CPED1: variants seen among roughly 807,000 people sequenced by gnomAD.
CPED1 encodes cadherin like and PC-esterase domain containing 1, also known as cadherin-like and PC-esterase domain-containing protein 1.
In CPED1, 114 loss-of-function variants were observed where a neutral mutation model predicts 128.2. The observed-to-expected ratio is 0.89, with a 90% CI of 0.76 to 1.04. The LOEUF (loss-of-function observed/expected upper bound fraction) is 1.04. Ranked by LOEUF, CPED1 falls within the 50% of genes least tolerant of loss-of-function variation. The pLI is 0.00. For synonymous variants in CPED1, 462 were observed against 426.7 expected, an observed-to-expected ratio of 1.08 and a Z score of -1.02; for missense variants, 1,211 against 1,207.1, an observed-to-expected ratio of 1.00 and a Z score of -0.05.
chr7:121,186,119 C>G (rs765007051), intron 16 of CPED1, among the ~76,000 whole-genome samples: 1 of 152,126 alleles, frequency 6.6e-6, no homozygotes, highest in East Asian at 1.9e-4. Context: ...ATTTGCTTCT[C>G]TTCCCAAAAC....
intron 22 of CPED1, among the ~76,000 whole-genome samples, chr7:121,275,091 C>T (rs1792305717): frequency 6.6e-6 from 1 of 151,906 alleles, no homozygotes; most frequent in African/African-American, 2.4e-5. Context: ...TCAAGGATAC[C>T]TGAGAAGGGT....
At chr7:121,049,273 A>G (rs1427668457) in intron 4 of CPED1, among the ~76,000 whole-genome samples, 1 of 152,206 alleles carries the variant, frequency 6.6e-6, no homozygotes, top group Non-Finnish European at 1.5e-5. Context: ...CTGGGTCGTA[A>G]GAGGGATGTG....
At chr7:121,270,867 G>A (rs1792216726) in intron 21 of CPED1, among the ~76,000 whole-genome samples, 1 of 151,842 alleles carries the variant, frequency 6.6e-6, no homozygotes, top group Non-Finnish European at 1.5e-5. Context: ...CTCTTTTTTG[G>A]TTCCATATGA....
chr7:121,140,149 G>A (rs776563734), intron 14 of CPED1, among the ~76,000 whole-genome samples: 1 of 152,026 alleles, frequency 6.6e-6, no homozygotes, highest in Non-Finnish European at 1.5e-5. Flanking sequence ...CTAACAAAGA[G>A]AAAGGTTTTT....
At chr7:121,067,276 C>A (rs1421780039) in intron 5 of CPED1, among the ~76,000 whole-genome samples, 3 of 151,324 alleles carry the variant, frequency 2.0e-5, no homozygotes, top group Non-Finnish European at 4.4e-5. Flanking sequence ...TCCCCCACCC[C>A]ACAACAGGCC....
At chr7:121,112,344 C>A (rs1795132842) in intron 7 of CPED1, among the ~76,000 whole-genome samples, 1 of 152,034 alleles carries the variant, frequency 6.6e-6, no homozygotes, top group East Asian at 1.9e-4. Flanking sequence ...CTGTGCATGT[C>A]ATTATAAGAG....
intron 5 of CPED1, among the ~76,000 whole-genome samples, chr7:121,080,714 C>T (rs1370313798): frequency 3.3e-5 from 5 of 150,352 alleles, no homozygotes; most frequent in Admixed American, 2.0e-4. Context: ...TCATTTTACA[C>T]ACACACACAC....
chr7:121,147,612 C>T (rs973599749), intron 16 of CPED1, among the ~76,000 whole-genome samples: 2 of 151,990 alleles, frequency 1.3e-5, no homozygotes, highest in African/African-American at 4.8e-5. Context: ...AATATTCACA[C>T]AAGTTGATTT....
intron 16 of CPED1, among the ~76,000 whole-genome samples, chr7:121,179,988 G>C (rs1156853222): frequency 6.6e-6 from 1 of 151,982 alleles, no homozygotes. Context: ...CACATTTAAA[G>C]TATAAAACTG....
chr7:121,104,533 G>T (rs912301122), intron 7 of CPED1, among the ~76,000 whole-genome samples: 3 of 152,054 alleles, frequency 2.0e-5, no homozygotes, highest in Non-Finnish European at 4.4e-5. Context: ...GACCATATTT[G>T]ACTATTTTTA....
intron 3 of CPED1, among the ~76,000 whole-genome samples, chr7:121,029,896 AT>A (rs960362352): frequency 6.2e-4 from 94 of 151,922 alleles, no homozygotes; most frequent in African/African-American, 1.9e-3. Flanking sequence ...TATCTGTCTA[AT>A]TTTTTTTGGC....
intron 3 of CPED1, among the ~76,000 whole-genome samples, chr7:121,045,194 A>G (rs1793163412): frequency 6.6e-6 from 1 of 151,962 alleles, no homozygotes; most frequent in Non-Finnish European, 1.5e-5. Flanking sequence ...TTACAAGCCT[A>G]AGGCCTGATG....
chr7:121,143,926 A>G (rs1795962967), intron 16 of CPED1, among the ~76,000 whole-genome samples: 1 of 152,172 alleles, frequency 6.6e-6, no homozygotes, highest in East Asian at 1.9e-4. Context: ...GAAAGGAAAC[A>G]AATCCAATAT....
intron 16 of CPED1, among the ~76,000 whole-genome samples, chr7:121,168,165 C>T (rs1052445346): frequency 1.3e-5 from 2 of 152,190 alleles, no homozygotes; most frequent in African/African-American, 4.8e-5. Context: ...GCGGGAGGCT[C>T]TCTTACTGGT....
At chr7:121,016,017 A>C (rs570828527) in intron 3 of CPED1, among the ~76,000 whole-genome samples, 169 bp downstream of exon 3, 2 of 151,834 alleles carry the variant, frequency 1.3e-5, no homozygotes, top group East Asian at 3.9e-4. Context: ...CTTCCCCTCT[A>C]TTTTTCTTTA....
intron 16 of CPED1, among the ~76,000 whole-genome samples, chr7:121,145,674 T>G (rs1487196988): frequency 6.6e-6 from 1 of 152,140 alleles, no homozygotes; most frequent in African/African-American, 2.4e-5. Context: ...CATAGACTTT[T>G]CTATTATTTC....
intron 16 of CPED1, among the ~76,000 whole-genome samples, chr7:121,191,414 TGAG>T (rs1797138266): frequency 2.0e-5 from 3 of 152,146 alleles, no homozygotes; most frequent in Non-Finnish European, 4.4e-5. Context: ...CAAGACAGGC[TGAG>T]GAGAAGAATA....
intron 16 of CPED1, among the ~76,000 whole-genome samples, chr7:121,215,461 T>A (rs1797739846): frequency 6.6e-6 from 1 of 152,046 alleles, no homozygotes; most frequent in Non-Finnish European, 1.5e-5. Context: ...GAAAATTAGA[T>A]TCCAAGGCCA....
At chr7:121,288,789 G>T (rs1792634510) in intron 22 of CPED1, among the ~76,000 whole-genome samples, 1 of 152,128 alleles carries the variant, frequency 6.6e-6, no homozygotes, top group Non-Finnish European at 1.5e-5. Context: ...TCAGGCACTT[G>T]CAAAAGCCAG....
Sources: allele counts gnomAD v4.1 joint callset (sites outside exome capture counted in the v4.1 genomes callset), GRCh38; gene constraint gnomAD v4.1.1; transcripts MANE v1.5; gene names NCBI Gene and HGNC (gene_info 2026-07-23, HGNC 2026-07-21).